WDR93: variants seen among roughly 807,000 people sequenced by gnomAD.
WDR93 encodes WD repeat-containing protein 93.
In WDR93, 73 loss-of-function variants were observed where a neutral mutation model predicts 82.9. That is an observed-to-expected ratio of 0.88 (90% CI 0.73 to 1.07). The LOEUF is 1.07. WDR93 is among the 50% of genes least tolerant of loss of function. The probability of loss-of-function intolerance (pLI) is 0.00; values close to 1 mark genes in which losing one functional copy is unlikely to be tolerated. For synonymous variants in WDR93, 283 were observed against 300.1 expected (o/e 0.94, Z 0.59); for missense variants, 738 against 826.0 (o/e 0.89, Z 1.31).
At chr15:89,736,178 C>G (rs927113120) in intron 14 of WDR93, among the ~76,000 whole-genome samples, 1 of 152,168 alleles carries the variant, frequency 6.6e-6, no homozygotes, top group African/African-American at 2.4e-5. Flanking sequence ...GATCTCAGTT[C>G]GGCGATGGAC....
intron 12 of WDR93, 25 bp from the exon 13 acceptor site, chr15:89,732,981 C>A (rs371992738): frequency 1.2e-6 from 2 of 1,610,418 alleles, no homozygotes; most frequent in Non-Finnish European, 1.7e-6. Flanking sequence ...GTTTTCTGAC[C>A]GGCTTGTGTG....
At chr15:89,725,939 A>G (rs945318835) in intron 8 of WDR93, among the ~76,000 whole-genome samples, 2 of 152,208 alleles carry the variant, frequency 1.3e-5, no homozygotes, top group African/African-American at 4.8e-5. Context: ...ATTAAGGTAT[A>G]TATTTTATGC....
chr15:89,733,247 A>ATTTT, intron 13 of WDR93, 28 bp downstream of exon 13: 1 of 1,598,000 alleles, frequency 6.3e-7, no homozygotes, highest in Non-Finnish European at 8.6e-7. Flanking sequence ...GGGACGGGGT[A>ATTTT]AATAATTGGC....
chr15:89,717,173 C>G (rs1966304173), intron 7 of WDR93, among the ~76,000 whole-genome samples: 1 of 150,258 alleles, frequency 6.7e-6, no homozygotes, highest in African/African-American at 2.5e-5. Flanking sequence ...GATTCTCCTG[C>G]CTCAGCCTCC....
At chr15:89,714,351 T>A (rs1966144505) in intron 5 of WDR93, 1 of 151,738 alleles carries the variant, frequency 6.6e-6, no homozygotes. Flanking sequence ...TGAGATGGAG[T>A]TTCACTCTGT....
At chr15:89,711,983 C>A in intron 4 of WDR93, 43 bp from the exon 5 acceptor site, 1 of 1,497,168 alleles carries the variant, frequency 6.7e-7, no homozygotes, top group South Asian at 1.2e-5. Flanking sequence ...CATTCTCTGT[C>A]AGCAGGCTAT....
intron 7 of WDR93, among the ~76,000 whole-genome samples, chr15:89,721,644 C>T (rs1166275959): frequency 6.6e-6 from 1 of 152,172 alleles, no homozygotes; most frequent in Non-Finnish European, 1.5e-5. Flanking sequence ...GATGGGCTCT[C>T]GCTATGTTGC....
At chr15:89,724,676 A>G (rs1219423856) in intron 8 of WDR93, among the ~76,000 whole-genome samples, 1 of 152,238 alleles carries the variant, frequency 6.6e-6, no homozygotes, top group East Asian at 1.9e-4. Context: ...TCACAAAAAA[A>G]AGATTATTTA....
chr15:89,705,404 A>G, intron 3 of WDR93, 150 bp from the exon 4 acceptor site: 1 of 659,174 alleles, frequency 1.5e-6, no homozygotes, highest in Non-Finnish European at 2.8e-6. Flanking sequence ...CAGGGAGACC[A>G]AGAGCAGCAT....
chr15:89,741,679 C>T (rs1291409856), intron 16 of WDR93, among the ~76,000 whole-genome samples: 1 of 152,138 alleles, frequency 6.6e-6, no homozygotes, highest in African/African-American at 2.4e-5. Context: ...GGTTCTGAGA[C>T]AGTGAAGGAA....
intron 1 of WDR93, among the ~76,000 whole-genome samples, chr15:89,694,896 T>C (rs1426226904): frequency 6.6e-6 from 1 of 152,234 alleles, no homozygotes; most frequent in African/African-American, 2.4e-5. Flanking sequence ...TTTTCCTATA[T>C]AGATATCTAA....
At chr15:89,710,033 G>A (rs1012440173) in intron 4 of WDR93, among the ~76,000 whole-genome samples, 6 of 152,208 alleles carry the variant, frequency 3.9e-5, no homozygotes, top group South Asian at 4.1e-4. Flanking sequence ...GCTGGCACGC[G>A]CCTGTAGTCC....
chr15:89,741,144 A>T (rs1967639559), intron 16 of WDR93, among the ~76,000 whole-genome samples: 1 of 151,800 alleles, frequency 6.6e-6, no homozygotes, highest in Non-Finnish European at 1.5e-5. Flanking sequence ...TGTCTCAAAA[A>T]AAATAAATAA....
At chr15:89,728,322 G>A (rs1966817867) in intron 9 of WDR93, among the ~76,000 whole-genome samples, 1 of 152,174 alleles carries the variant, frequency 6.6e-6, no homozygotes, top group African/African-American at 2.4e-5. Flanking sequence ...TTAGGAATTA[G>A]GTCTCCTCAT....
At chr15:89,720,190 G>A (rs371178478) in intron 7 of WDR93, among the ~76,000 whole-genome samples, 5 of 152,204 alleles carry the variant, frequency 3.3e-5, no homozygotes, top group Admixed American at 1.3e-4. Flanking sequence ...TCTAAGTACT[G>A]CTTTAAAATT....
At chr15:89,702,845 T>G in intron 2 of WDR93, 105 bp from the exon 3 acceptor site, 1 of 1,269,510 alleles carries the variant, frequency 7.9e-7, no homozygotes, top group Non-Finnish European at 1.1e-6. Flanking sequence ...AGCCAGGAAA[T>G]GTTATTATTA....
intron 7 of WDR93, among the ~76,000 whole-genome samples, chr15:89,720,615 G>A (rs1254218000): frequency 6.6e-6 from 1 of 152,152 alleles, no homozygotes; most frequent in Non-Finnish European, 1.5e-5. Flanking sequence ...TCCAAATATT[G>A]GAAATGTTAC....
chr15:89,694,248 C>CTTTTTTT (rs907842374), intron 1 of WDR93, among the ~76,000 whole-genome samples: 4 of 125,168 alleles, frequency 3.2e-5, no homozygotes, highest in African/African-American at 6.0e-5. Context: ...TGGGTTATTT[C>CTTTTTTT]TTTTTTTTTT....
At chr15:89,741,811 G>A (rs1032452630) in intron 16 of WDR93, among the ~76,000 whole-genome samples, 6 of 152,040 alleles carry the variant, frequency 3.9e-5, no homozygotes, top group Non-Finnish European at 8.8e-5. Context: ...GAGTGCAGTG[G>A]CACAATCTCA....
Sources: gnomAD v4.1 joint callset for allele counts (sites outside exome capture counted in the v4.1 genomes callset) on GRCh38, gnomAD v4.1.1 for gene constraint, MANE v1.5 for transcripts, NCBI Gene and HGNC (gene_info 2026-07-23, HGNC 2026-07-21) for gene names.